FMN1: variants seen among roughly 807,000 people sequenced by gnomAD.
FMN1 encodes formin 1.
FMN1 carries 110 observed loss-of-function variants against 132.4 expected under a neutral mutation model. The observed-to-expected ratio is 0.83, with a 90% CI of 0.71 to 0.97. FMN1 has a LOEUF of 0.97. Ranked by LOEUF, FMN1 falls within the 50% of genes least tolerant of loss-of-function variation. The pLI is 0.00. For missense variants in FMN1, 1,792 were observed against 1,705.3 expected (o/e 1.05, Z -0.90); for synonymous variants, 722 against 651.7 (o/e 1.11, Z -1.64).
intron 16 of FMN1, among the ~76,000 whole-genome samples, chr15:32,863,470 C>T (rs2059323536): frequency 6.6e-6 from 1 of 152,104 alleles, no homozygotes; most frequent in African/African-American, 2.4e-5. Context: ...TAAATAAACA[C>T]ATCAATTCAA....
chr15:33,170,862 C>T (rs1011725128), intron 3 of FMN1, among the ~76,000 whole-genome samples: 10 of 152,014 alleles, frequency 6.6e-5, no homozygotes, highest in African/African-American at 2.4e-4. Context: ...CTAGCAATTC[C>T]AATCCCACTA....
chr15:33,001,699 TC>T (rs2034126582), intron 7 of FMN1, among the ~76,000 whole-genome samples: 1 of 54,628 alleles, frequency 1.8e-5, no homozygotes, highest in Non-Finnish European at 3.5e-5. Flanking sequence ...CCCTTCCGCC[TC>T]CCCCTTCCCC....
chr15:33,171,961 G>T (rs1189509581), intron 3 of FMN1, among the ~76,000 whole-genome samples: 1 of 152,184 alleles, frequency 6.6e-6, no homozygotes, highest in African/African-American at 2.4e-5. Context: ...TGTAATCCCA[G>T]CACTTTGGGA....
intron 18 of FMN1, among the ~76,000 whole-genome samples, chr15:32,800,937 T>C (rs982076108): frequency 6.6e-6 from 1 of 152,224 alleles, no homozygotes; most frequent in Non-Finnish European, 1.5e-5. Flanking sequence ...TTACCTTCTA[T>C]ACAGATACAT....
chr15:32,908,679 T>C (rs1596248058), intron 11 of FMN1, 101 bp from the exon 12 acceptor site: 2 of 701,468 alleles, frequency 2.9e-6, no homozygotes, highest in African/African-American at 1.8e-5. Flanking sequence ...GTGTGGTTCC[T>C]AGACTAGCAG....
chr15:33,011,940 G>A (rs771726435), intron 6 of FMN1, among the ~76,000 whole-genome samples: 1 of 152,178 alleles, frequency 6.6e-6, no homozygotes, highest in Non-Finnish European at 1.5e-5. Flanking sequence ...CTTACAGCAG[G>A]AGTGCAAACT....
At chr15:32,911,890 C>G (rs569823767) in intron 10 of FMN1, among the ~76,000 whole-genome samples, 4 of 152,212 alleles carry the variant, frequency 2.6e-5, no homozygotes, top group African/African-American at 7.2e-5. Context: ...TTTGTCCTCT[C>G]AAGACTGTTA....
At chr15:32,789,044 C>G (rs1295831527) in intron 19 of FMN1, among the ~76,000 whole-genome samples, 1 of 152,168 alleles carries the variant, frequency 6.6e-6, no homozygotes, top group Non-Finnish European at 1.5e-5. Context: ...CAGCAGCAGA[C>G]AGCAAATCTT....
At chr15:32,863,417 G>A (rs1408696131) in intron 16 of FMN1, among the ~76,000 whole-genome samples, 1 of 152,158 alleles carries the variant, frequency 6.6e-6, no homozygotes, top group Non-Finnish European at 1.5e-5. Flanking sequence ...CTGGGCGACA[G>A]AGCGAGACTC....
chr15:33,152,355 T>C (rs533182192), intron 4 of FMN1, among the ~76,000 whole-genome samples: 6 of 152,304 alleles, frequency 3.9e-5, no homozygotes, highest in African/African-American at 7.2e-5. Flanking sequence ...GCTATACCAG[T>C]AACAGTAACA....
At chr15:33,067,329 C>A in intron 5 of FMN1, 1 of 1,613,980 alleles carries the variant, frequency 6.2e-7, no homozygotes, top group South Asian at 1.1e-5. Context: ...TCCCTGAAAC[C>A]TCCTGGGTTT....
intron 5 of FMN1, among the ~76,000 whole-genome samples, chr15:33,071,724 C>T (rs1387129342): frequency 1.3e-5 from 2 of 152,182 alleles, no homozygotes; most frequent in Non-Finnish European, 2.9e-5. Context: ...CGGACTCTTT[C>T]AAGCCACTGG....
chr15:32,798,519 G>A (rs2057370173), intron 19 of FMN1, among the ~76,000 whole-genome samples: 1 of 152,186 alleles, frequency 6.6e-6, no homozygotes, highest in Non-Finnish European at 1.5e-5. Flanking sequence ...ACACAGAGAA[G>A]CAATCTGTTG....
chr15:33,128,152 G>C (rs769502814), intron 4 of FMN1, among the ~76,000 whole-genome samples: 34 of 149,324 alleles, frequency 2.3e-4, no homozygotes, highest in Non-Finnish European at 3.4e-4. Flanking sequence ...GAGTGTAACA[G>C]AAGTAGGATG....
At chr15:33,111,438 A>G (rs2039700826) in intron 4 of FMN1, among the ~76,000 whole-genome samples, 1 of 152,178 alleles carries the variant, frequency 6.6e-6, no homozygotes, top group Admixed American at 6.5e-5. Flanking sequence ...AAAAGGTTAA[A>G]TCAAGAATTA....
intron 6 of FMN1, among the ~76,000 whole-genome samples, chr15:33,021,085 C>G (rs1286382236): frequency 6.6e-6 from 1 of 152,176 alleles, no homozygotes; most frequent in Non-Finnish European, 1.5e-5. Flanking sequence ...CTCCGGTACT[C>G]CTGCTATTTC....
At chr15:33,058,036 CGGGCTGGTGGTGGAAAGGTGTGGT>C (rs2037308259) in intron 6 of FMN1, among the ~76,000 whole-genome samples, 1 of 146,662 alleles carries the variant, frequency 6.8e-6, no homozygotes, top group African/African-American at 2.5e-5. Context: ...AAAGGCGTGG[CGGGCTGGTGGTGGAAAGGTGTGGT>C]GGGGCTGGTG....
At chr15:32,810,192 C>T (rs2057824920) in intron 17 of FMN1, among the ~76,000 whole-genome samples, 1 of 152,214 alleles carries the variant, frequency 6.6e-6, no homozygotes, top group Non-Finnish European at 1.5e-5. Context: ...GCTGGGATTA[C>T]AGGCGTGAGC....
intron 17 of FMN1, among the ~76,000 whole-genome samples, chr15:32,836,027 G>GT (rs1567243703): frequency 1.3e-5 from 2 of 151,874 alleles, no homozygotes; most frequent in South Asian, 4.2e-4. Flanking sequence ...GGCCCAGCCA[G>GT]TTTTTAAAAT....
Sources: allele counts gnomAD v4.1 joint callset (sites outside exome capture counted in the v4.1 genomes callset), GRCh38; gene constraint gnomAD v4.1.1; transcripts MANE v1.5; gene names NCBI Gene and HGNC (gene_info 2026-07-23, HGNC 2026-07-21).